Variants in MAP2 observed in about 807,000 individuals in gnomAD.
MAP2 encodes microtubule-associated protein 2.
Under a neutral mutation model 137.6 loss-of-function variants are expected in MAP2, and 14 were observed. The observed-to-expected ratio is 0.10, with a 90% CI of 0.07 to 0.16. The LOEUF (loss-of-function observed/expected upper bound fraction) is 0.16, where lower values mean the gene tolerates loss of function less well. Ranked by LOEUF, MAP2 falls within the 10% of genes least tolerant of loss-of-function variation. The pLI is 1.00. For synonymous variants in MAP2, 786 were observed against 782.3 expected (o/e 1.00, Z -0.08); for missense variants, 2,088 against 2,191.5 (o/e 0.95, Z 0.94).
At chr2:209,521,931 T>C (rs888497931) in intron 2 of MAP2, among the ~76,000 whole-genome samples, 2 of 152,150 alleles carry the variant, frequency 1.3e-5, no homozygotes, top group African/African-American at 4.8e-5. Flanking sequence ...AATTAAATCA[T>C]AAATTACACA....
At chr2:209,486,277 G>A (rs931241517) in intron 1 of MAP2, among the ~76,000 whole-genome samples, 9 of 151,882 alleles carry the variant, frequency 5.9e-5, no homozygotes, top group Non-Finnish European at 8.8e-5. Flanking sequence ...CACCAGGCTG[G>A]AGTGCAGTGG....
At chr2:209,623,338 A>G (rs993204145) in intron 3 of MAP2, among the ~76,000 whole-genome samples, 1 of 152,170 alleles carries the variant, frequency 6.6e-6, no homozygotes, top group Admixed American at 6.6e-5. Context: ...TTACTGATTC[A>G]TATTTTATAA....
At chr2:209,587,207 T>G (rs979180125) in intron 3 of MAP2, among the ~76,000 whole-genome samples, 1 of 152,124 alleles carries the variant, frequency 6.6e-6, no homozygotes, top group Non-Finnish European at 1.5e-5. Context: ...ACTGAGCTGC[T>G]AAATTCTCTG....
intron 3 of MAP2, among the ~76,000 whole-genome samples, chr2:209,591,164 G>C (rs2079132033): frequency 6.6e-6 from 1 of 152,088 alleles, no homozygotes; most frequent in African/African-American, 2.4e-5. Context: ...ATTGTCTGTG[G>C]GGCCTGAAAT....
chr2:209,705,409 G>A (rs899405142), intron 11 of MAP2, 171 bp from the exon 12 acceptor site: 6 of 433,162 alleles, frequency 1.4e-5, no homozygotes, highest in Non-Finnish European at 2.3e-5. Flanking sequence ...AGGCAAATAT[G>A]CACTCTTTCT....
intron 1 of MAP2, among the ~76,000 whole-genome samples, chr2:209,463,478 G>A (rs542976083): frequency 6.6e-6 from 1 of 152,244 alleles, no homozygotes; most frequent in African/African-American, 2.4e-5. Flanking sequence ...TCTCTCTGGG[G>A]AGGAAGCAGC....
intron 3 of MAP2, among the ~76,000 whole-genome samples, chr2:209,619,412 TA>T (rs984544861): frequency 2.0e-5 from 3 of 152,120 alleles, no homozygotes; most frequent in African/African-American, 7.2e-5. Context: ...TTTTATCTGC[TA>T]ATTGAATAAA....
chr2:209,673,977 C>T (rs1204932988), intron 5 of MAP2, among the ~76,000 whole-genome samples: 1 of 151,720 alleles, frequency 6.6e-6, no homozygotes, highest in Non-Finnish European at 1.5e-5. Flanking sequence ...ATAGACAGTC[C>T]TGAATTGGGA....
At chr2:209,512,329 G>T (rs1260491337) in intron 2 of MAP2, among the ~76,000 whole-genome samples, 1 of 151,746 alleles carries the variant, frequency 6.6e-6, no homozygotes, top group Non-Finnish European at 1.5e-5. Context: ...AAGACTCTTA[G>T]AACAATGTCT....
intron 1 of MAP2, among the ~76,000 whole-genome samples, chr2:209,431,266 T>C (rs1694200432): frequency 6.6e-6 from 1 of 152,230 alleles, no homozygotes; most frequent in African/African-American, 2.4e-5. Context: ...TAAAATCTTT[T>C]TATTCCTAAC....
chr2:209,525,643 C>T (rs559070897), intron 2 of MAP2, among the ~76,000 whole-genome samples: 1 of 152,212 alleles, frequency 6.6e-6, no homozygotes, highest in South Asian at 2.1e-4. Context: ...AATTACTCCT[C>T]AAAAGTTCCA....
intron 1 of MAP2, among the ~76,000 whole-genome samples, chr2:209,504,329 C>A (rs964232582): frequency 6.6e-6 from 1 of 151,410 alleles, no homozygotes; most frequent in Non-Finnish European, 1.5e-5. Flanking sequence ...TGGGAGTGCA[C>A]GTAGAAGAAA....
At chr2:209,599,374 C>G (rs1488825705) in intron 3 of MAP2, among the ~76,000 whole-genome samples, 1 of 152,046 alleles carries the variant, frequency 6.6e-6, no homozygotes. Context: ...ATTCTCTTCT[C>G]TTCACCCAAA....
At chr2:209,480,730 A>T (rs901499139) in intron 1 of MAP2, among the ~76,000 whole-genome samples, 1 of 152,208 alleles carries the variant, frequency 6.6e-6, no homozygotes, top group Non-Finnish European at 1.5e-5. Context: ...AAAAAATTTT[A>T]AAGAGTTTAG....
intron 13 of MAP2, among the ~76,000 whole-genome samples, chr2:209,718,766 A>G (rs2153795030): frequency 6.6e-6 from 1 of 152,336 alleles, no homozygotes; most frequent in East Asian, 1.9e-4. Flanking sequence ...CATATTGTTT[A>G]TATTGGATAT....
chr2:209,539,505 T>G (rs1426125194), intron 2 of MAP2, among the ~76,000 whole-genome samples: 1 of 152,130 alleles, frequency 6.6e-6, no homozygotes. Context: ...GAAAACAAAG[T>G]CAATTTGGCC....
At chr2:209,662,049 T>C (rs1162505277) in intron 5 of MAP2, among the ~76,000 whole-genome samples, 4 of 152,212 alleles carry the variant, frequency 2.6e-5, no homozygotes. Context: ...ACGGTAATTC[T>C]TAATCGATAT....
chr2:209,566,231 A>G (rs2073384585), intron 2 of MAP2, among the ~76,000 whole-genome samples: 1 of 152,172 alleles, frequency 6.6e-6, no homozygotes, highest in African/African-American at 2.4e-5. Flanking sequence ...TAATTAATAT[A>G]TCCTCTGTCA....
At chr2:209,649,141 C>T (rs373308121) in intron 4 of MAP2, among the ~76,000 whole-genome samples, 13 of 152,040 alleles carry the variant, frequency 8.6e-5, no homozygotes, top group African/African-American at 3.1e-4. Flanking sequence ...TGAAGTGATC[C>T]TCCCACCTCA....
Sources: allele counts gnomAD v4.1 joint callset (sites outside exome capture counted in the v4.1 genomes callset), GRCh38; gene constraint gnomAD v4.1.1; transcripts MANE v1.5; gene names NCBI Gene and HGNC (gene_info 2026-07-23, HGNC 2026-07-21).